Variants in RERE observed in about 807,000 individuals in gnomAD.
RERE encodes the protein arginine-glutamic acid dipeptide repeats.
A neutral mutation model predicts 146.1 loss-of-function variants in RERE; 40 were observed. That is an observed-to-expected ratio of 0.27 (90% CI 0.21 to 0.36). RERE has a LOEUF of 0.36. RERE is among the 10% of genes least tolerant of loss of function. The pLI, the probability that RERE is intolerant of heterozygous loss-of-function variation, is 1.00. For synonymous variants in RERE, 1,003 were observed against 866.0 expected, an observed-to-expected ratio of 1.16 and a Z score of -2.78; for missense variants, 1,933 against 2,138.7, an observed-to-expected ratio of 0.90 and a Z score of 1.90.
chr1:8,748,459 C>A (rs1640467929), intron 1 of RERE, among the ~76,000 whole-genome samples: 1 of 152,178 alleles, frequency 6.6e-6, no homozygotes, highest in Non-Finnish European at 1.5e-5. Context: ...TCTTGCATAA[C>A]CCTCCCCTTC....
At chr1:8,605,845 C>CTTTTTTTTTTTTTTTTTTTTT (rs60346942) in intron 4 of RERE, among the ~76,000 whole-genome samples, 1 of 93,220 alleles carries the variant, frequency 1.1e-5, no homozygotes, top group African/African-American at 4.3e-5. Flanking sequence ...AAATACCAAA[C>CTTTTTTTTTTTTTTTTTTTTT]TTTTTTTTTT....
chr1:8,361,386 G>A lies in RERE; in HGVS notation c.2121C>T (p.Asp707=), dbSNP rs765164728. The change falls in exon 18 of 23, where the codon GAC becomes GAT. Residue 707 remains aspartate, a synonymous_variant. Coordinates refer to ENST00000400908, the MANE Select transcript of RERE (RefSeq NM_001042681.2). ...GGATGCTCGGGGACGTGCTGCGATTGTCCTGGTCGATGTCTTTGGGGTCAC... is the reference window on the plus strand; with the variant it reads ...GGATGCTCGGGGACGTGCTGCGATTATCCTGGTCGATGTCTTTGGGGTCAC... ...GSSDPKDIDQ[D]NRSTSPSIPS... The A allele has an allele frequency of 6.2e-7, 1 of 1,613,866 alleles. No individual in the cohort carries two copies. The highest frequency in any genetic ancestry group is 1.7e-5 in the Admixed American group (1 of 59,998).
intron 4 of RERE, among the ~76,000 whole-genome samples, chr1:8,560,661 A>T (rs1222807935): frequency 6.6e-6 from 1 of 152,234 alleles, no homozygotes; most frequent in African/African-American, 2.4e-5. Flanking sequence ...GACAGAAAGC[A>T]TCTAGAACTG....
rs11802487 is a variant in RERE at position 8,411,809 on chromosome 1, C to T, written c.1284+10918G>A. 5.9e-3 allele frequency among the ~76,000 whole-genome samples: 899 copies of T among 152,230 alleles called. 13 individuals are homozygous for T. Among genetic ancestry groups the T allele is most frequent in the African/African-American group, 0.02 (835 of 41,532 alleles). ...CTTTTTAGGCTCACATTATCCAAAA[C>T]GTGTAGTTTGCCCCCAGTTCACTGG... On this transcript the variant is annotated intron_variant, in intron 12 of 22. Transcript: ENST00000400908.
At chr1:8,634,582 G>T (rs1305353594) in intron 2 of RERE, among the ~76,000 whole-genome samples, 1 of 152,116 alleles carries the variant, frequency 6.6e-6, no homozygotes, top group Admixed American at 6.6e-5. Flanking sequence ...ATATAAACTT[G>T]AAAGGGCAAA....
chr1:8,728,231 A>C (rs942042690), intron 1 of RERE, among the ~76,000 whole-genome samples: 2 of 152,256 alleles, frequency 1.3e-5, no homozygotes, highest in African/African-American at 4.8e-5. Context: ...GCAATAAGCA[A>C]TGTGCTAAGG....
intron 1 of RERE, among the ~76,000 whole-genome samples, chr1:8,669,186 C>A (rs541074661): frequency 8.6e-5 from 13 of 151,550 alleles, no homozygotes; most frequent in East Asian, 5.8e-4. Context: ...AATACCCCCC[C>A]CAACTCGGCC....
intron 1 of RERE, among the ~76,000 whole-genome samples, chr1:8,769,440 A>G (rs12119207): frequency 0.2 from 30,539 of 152,088 alleles, 3,521 homozygotes; most frequent in Middle Eastern, 0.27. Context: ...CCATTTTTAA[A>G]GTTGTAAAAC....
At chr1:8,373,596 A>G (rs1642125992) in intron 12 of RERE, among the ~76,000 whole-genome samples, 1 of 152,186 alleles carries the variant, frequency 6.6e-6, no homozygotes, top group African/African-American at 2.4e-5. Context: ...GCCATGAGGA[A>G]AGAGCTGTGG....
intron 12 of RERE, among the ~76,000 whole-genome samples, chr1:8,409,843 C>G (rs1413466647): frequency 6.6e-6 from 1 of 152,040 alleles, no homozygotes; most frequent in Non-Finnish European, 1.5e-5. Context: ...CTCCCAGGAG[C>G]AAAGAGCCTA....
intron 7 of RERE, chr1:8,513,100 A>G (rs1339756854): frequency 6.6e-6 from 1 of 152,256 alleles, no homozygotes; most frequent in Non-Finnish European, 1.5e-5. Context: ...CAGCGCCTCC[A>G]GCCACTACCC....
intron 1 of RERE, among the ~76,000 whole-genome samples, chr1:8,776,768 G>T (rs1641071453): frequency 6.6e-6 from 1 of 151,872 alleles, no homozygotes. Context: ...ACCCAGGCTG[G>T]AGTGCAGTGG....
At chr1:8,472,272 C>T (rs1248471264) in intron 10 of RERE, among the ~76,000 whole-genome samples, 2 of 152,328 alleles carry the variant, frequency 1.3e-5, no homozygotes, top group East Asian at 3.9e-4. Flanking sequence ...TCTAATACAA[C>T]ATCAAGTTCT....
chr1:8,606,160 AT>A (rs1646706445), intron 4 of RERE, among the ~76,000 whole-genome samples: 1 of 152,030 alleles, frequency 6.6e-6, no homozygotes, highest in Admixed American at 6.6e-5. Flanking sequence ...GTATCCAACT[AT>A]TTTCCACCAA....
At chr1:8,381,230 T>G (rs1642443662) in intron 12 of RERE, 3 of 346,602 alleles carry the variant, frequency 8.7e-6, no homozygotes, top group South Asian at 6.5e-5. Flanking sequence ...AAGTTATGTC[T>G]ATAACATGAT....
intron 12 of RERE, among the ~76,000 whole-genome samples, chr1:8,388,746 T>C (rs998078719): frequency 4.1e-5 from 3 of 72,786 alleles, no homozygotes; most frequent in South Asian, 5.6e-4. Flanking sequence ...AACCAGAAGA[T>C]TGTCAAATAT....
intron 11 of RERE, among the ~76,000 whole-genome samples, chr1:8,451,754 T>C (rs954178830): frequency 1.3e-5 from 2 of 152,148 alleles, no homozygotes; most frequent in Non-Finnish European, 1.5e-5. Context: ...GATTCTGCTC[T>C]GACTTGCTGG....
intron 9 of RERE, 111 bp from the exon 10 acceptor site, chr1:8,495,273 A>C: frequency 1.7e-5 from 12 of 712,836 alleles, no homozygotes; most frequent in Non-Finnish European, 2.2e-5. Context: ...CCATTACTAC[A>C]CGCATGATGA....
intron 4 of RERE, among the ~76,000 whole-genome samples, chr1:8,561,798 C>A (rs1241038911): frequency 2.0e-5 from 3 of 152,198 alleles, no homozygotes; most frequent in African/African-American, 7.2e-5. Flanking sequence ...ACCTCAGACA[C>A]AAAAGTATTG....
Sources: allele counts gnomAD v4.1 joint callset (sites outside exome capture counted in the v4.1 genomes callset), GRCh38; gene constraint gnomAD v4.1.1; transcripts MANE v1.5; gene names NCBI Gene and HGNC (gene_info 2026-07-23, HGNC 2026-07-21).